DCDC1: variants seen among roughly 807,000 people sequenced by gnomAD.
The protein encoded by DCDC1 is doublecortin domain containing 1, also known as doublecortin domain-containing protein 1.
A neutral mutation model predicts 178.3 loss-of-function variants in DCDC1; 200 were observed. The observed-to-expected ratio is 1.12, with a 90% CI of 1.00 to 1.26. The LOEUF (loss-of-function observed/expected upper bound fraction) is 1.26. Among genes scored for constraint, DCDC1 ranks in the 50% most tolerant of loss-of-function variants. The pLI, the probability that DCDC1 is intolerant of heterozygous loss-of-function variation, is 0.00. For missense variants in DCDC1, 1,983 were observed against 1,749.2 expected (o/e 1.13, Z -2.38); for synonymous variants, 690 against 604.8 (o/e 1.14, Z -2.07).
intron 11 of DCDC1, among the ~76,000 whole-genome samples, chr11:31,110,894 C>A (rs1241295493): frequency 6.6e-6 from 1 of 152,090 alleles, no homozygotes; most frequent in Non-Finnish European, 1.5e-5. Context: ...TGATGAAAGT[C>A]ATCCATTTTA....
intron 7 of DCDC1, among the ~76,000 whole-genome samples, chr11:31,286,519 A>C (rs780915564): frequency 1.3e-5 from 2 of 152,046 alleles, no homozygotes; most frequent in Non-Finnish European, 2.9e-5. Context: ...AAAATCAATA[A>C]TTATGAATCA....
intron 9 of DCDC1, among the ~76,000 whole-genome samples, chr11:31,234,650 A>G (rs1339008139): frequency 6.6e-6 from 1 of 152,136 alleles, no homozygotes; most frequent in Non-Finnish European, 1.5e-5. Flanking sequence ...TCTTCAAGGA[A>G]AAAAAATTCA....
intron 6 of DCDC1, among the ~76,000 whole-genome samples, chr11:31,297,937 T>C (rs1482884776): frequency 2.6e-5 from 4 of 152,168 alleles, no homozygotes; most frequent in Non-Finnish European, 5.9e-5. Context: ...TGATATCTCA[T>C]GTCTCCCTGA....
intron 18 of DCDC1, among the ~76,000 whole-genome samples, chr11:31,073,376 CT>C (rs1295728309): frequency 6.7e-6 from 1 of 150,226 alleles, no homozygotes; most frequent in African/African-American, 2.4e-5. Context: ...ATGAAGGCAC[CT>C]AAATTTGGGG....
intron 20 of DCDC1, among the ~76,000 whole-genome samples, chr11:30,970,615 T>G (rs984933182): frequency 6.6e-6 from 1 of 152,152 alleles, no homozygotes; most frequent in Admixed American, 6.5e-5. Flanking sequence ...TGTCACACAT[T>G]TGCTAATGCC....
chr11:30,974,207 C>T (rs1042177014), intron 20 of DCDC1, among the ~76,000 whole-genome samples: 1 of 151,086 alleles, frequency 6.6e-6, no homozygotes, highest in Non-Finnish European at 1.5e-5. Context: ...ACGCAACACA[C>T]CAAAGCCTGT....
chr11:31,106,487 G>C (rs1471604690), intron 13 of DCDC1, among the ~76,000 whole-genome samples: 5 of 152,194 alleles, frequency 3.3e-5, no homozygotes, highest in Non-Finnish European at 5.9e-5. Flanking sequence ...TGGGCCCCCC[G>C]TGGCGTTTCC....
intron 11 of DCDC1, among the ~76,000 whole-genome samples, chr11:31,127,056 C>CGACT (rs1304711748): frequency 6.6e-6 from 1 of 152,212 alleles, no homozygotes; most frequent in Non-Finnish European, 1.5e-5. Context: ...GAACATCAAT[C>CGACT]AGTCACCTGG....
At position 30,899,595 on chromosome 11, in the gene DCDC1, C is replaced by T. The variant is rs374326656; in HGVS notation, c.4711G>A (p.Asp1571Asn). 1 of 1,579,982 alleles carries T rather than the reference C, an allele frequency of 6.3e-7. No homozygotes were observed. The highest frequency in any genetic ancestry group is 8.6e-7 in the Non-Finnish European group (1 of 1,162,200). ...KLEKQNWLKK[D>N]RILADLDTMR... ...GTATCTAGATCAGCCAAAATTCTGT[C>T]CTTTTTTAGCCAGTTCTGTTTCTCT... Residue 1571 changes from aspartate (D) to asparagine (N), a missense_variant, in exon 34 of 39, where the codon GAC (aspartate) becomes AAC (asparagine). Asp to Asn is a conservative substitution (Grantham distance 23, BLOSUM62 1). Transcript: ENST00000684477.
chr11:31,244,888 T>C (rs915486244), intron 8 of DCDC1, among the ~76,000 whole-genome samples: 21 of 151,868 alleles, frequency 1.4e-4, no homozygotes, highest in Middle Eastern at 6.8e-3. Context: ...GAGCTAAGAC[T>C]GAGGCTGTTG....
chr11:31,167,266 A>G (rs1273912564), intron 9 of DCDC1, among the ~76,000 whole-genome samples: 3 of 152,230 alleles, frequency 2.0e-5, no homozygotes, highest in Non-Finnish European at 2.9e-5. Context: ...CAAAATCACC[A>G]TAAGTTCATC....
chr11:30,932,787 A>AG (rs1297696699), intron 21 of DCDC1, among the ~76,000 whole-genome samples: 2 of 152,160 alleles, frequency 1.3e-5, no homozygotes, highest in Non-Finnish European at 2.9e-5. Flanking sequence ...AGAGGGATAG[A>AG]GTAGGTTTAT....
chr11:31,080,383 T>C (rs565559221), intron 17 of DCDC1, among the ~76,000 whole-genome samples: 1 of 152,264 alleles, frequency 6.6e-6, no homozygotes, highest in Admixed American at 6.5e-5. Flanking sequence ...GCTCAACATC[T>C]CAATTAGATC....
chr11:31,096,698 T>TA (rs543052944), intron 15 of DCDC1, among the ~76,000 whole-genome samples: 2,723 of 143,828 alleles, frequency 0.019, 36 homozygotes, highest in African/African-American at 0.032. Context: ...ATTGTGTTAT[T>TA]AAAAAAAAAA....
In DCDC1 at chr11:31,335,249, C is replaced by A. The variant is rs1042673743; in HGVS notation, c.-7+198G>T. Among the ~76,000 whole-genome samples, 5 of 152,304 alleles carry A rather than the reference C, an allele frequency of 3.3e-5. No homozygotes were observed. The East Asian group carries it at 7.7e-4, about 24-fold the overall frequency. ...TCTCCTGGTGTGTCATTTGCTAAGA[C>A]CATTGGAAAAGCGCAGTATTTGGGC... On this transcript the variant is annotated intron_variant, in intron 2 of 38. Transcript: ENST00000684477.
chr11:31,036,853 T>C (rs1565206954), intron 20 of DCDC1, among the ~76,000 whole-genome samples: 1 of 152,202 alleles, frequency 6.6e-6, no homozygotes, highest in Non-Finnish European at 1.5e-5. Context: ...AAATAGATAT[T>C]TATGGTATAC....
intron 15 of DCDC1, among the ~76,000 whole-genome samples, chr11:31,101,651 T>G (rs1027740436): frequency 6.6e-6 from 1 of 152,176 alleles, no homozygotes; most frequent in African/African-American, 2.4e-5. Flanking sequence ...GTTTTTCAAG[T>G]AGGAATTAAA....
intron 20 of DCDC1, among the ~76,000 whole-genome samples, chr11:30,983,919 G>A (rs144720994): frequency 1.3e-5 from 2 of 152,214 alleles, no homozygotes; most frequent in Admixed American, 6.5e-5. Context: ...CGATATAATC[G>A]AAGGTTCAGC....
chr11:30,933,339 G>T (rs1947062088), intron 21 of DCDC1, among the ~76,000 whole-genome samples: 1 of 151,864 alleles, frequency 6.6e-6, no homozygotes, highest in Non-Finnish European at 1.5e-5. Flanking sequence ...ATTAGGTTAA[G>T]AAATTTATAT....
Sources: allele counts gnomAD v4.1 joint callset (sites outside exome capture counted in the v4.1 genomes callset), GRCh38; gene constraint gnomAD v4.1.1; transcripts MANE v1.5; gene names NCBI Gene and HGNC (gene_info 2026-07-23, HGNC 2026-07-21).